TUSC3: variants seen among roughly 807,000 people sequenced by gnomAD.
The protein encoded by TUSC3 is tumor suppressor candidate 3, also known as dolichyl-diphosphooligosaccharide--protein glycosyltransferase subunit TUSC3.
A neutral mutation model predicts 44.8 loss-of-function variants in TUSC3; 45 were observed. The observed-to-expected ratio is 1.00, with a 90% CI of 0.79 to 1.29. TUSC3 has a LOEUF of 1.29. Ranked by LOEUF, TUSC3 falls within the 50% of genes most tolerant of loss-of-function variation. The pLI is 0.00. For missense variants in TUSC3, 519 were observed against 437.9 expected (o/e 1.19, Z -1.65); for synonymous variants, 212 against 152.9 (o/e 1.39, Z -2.85).
the TUSC3 span, among the ~76,000 whole-genome samples, chr8:15,810,071 T>A: frequency 6.6e-6 from 1 of 152,106 alleles, no homozygotes; most frequent in African/African-American, 2.4e-5. Context: ...ACGCTTTTGG[T>A]AGCAAGCCGT....
At chr8:15,587,083 A>G (rs1048755667) in intron 1 of TUSC3, among the ~76,000 whole-genome samples, 1 of 152,122 alleles carries the variant, frequency 6.6e-6, no homozygotes, top group African/African-American at 2.4e-5. Flanking sequence ...TCTTCTATTA[A>G]GGAAGCTCTG....
intron 1 of TUSC3, among the ~76,000 whole-genome samples, chr8:15,466,899 C>G (rs181577410): frequency 6.6e-6 from 1 of 152,134 alleles, no homozygotes; most frequent in Admixed American, 6.5e-5. Flanking sequence ...AATATTGTTT[C>G]TTTCGTCCTT....
chr8:15,846,890 A>C, the TUSC3 span, among the ~76,000 whole-genome samples: 27 of 143,822 alleles, frequency 1.9e-4, no homozygotes, highest in Admixed American at 1.5e-3. Flanking sequence ...AAAAAAAAAA[A>C]CACACACACA....
chr8:15,441,534 A>T (rs1182313364), intron 1 of TUSC3, among the ~76,000 whole-genome samples: 1 of 152,232 alleles, frequency 6.6e-6, no homozygotes, highest in Admixed American at 6.5e-5. Context: ...CTTGAATGGA[A>T]AGAAAATATG....
chr8:15,443,998 C>T (rs890949949), intron 1 of TUSC3, among the ~76,000 whole-genome samples: 2 of 152,182 alleles, frequency 1.3e-5, no homozygotes, highest in African/African-American at 2.4e-5. Flanking sequence ...AACTCTGACC[C>T]CTGAATGCTC....
chr8:15,811,163 G>A, the TUSC3 span, among the ~76,000 whole-genome samples: 1 of 152,208 alleles, frequency 6.6e-6, no homozygotes, highest in Non-Finnish European at 1.5e-5. Context: ...CATTCTTGGT[G>A]TTAATTCTAT....
chr8:15,449,102 T>C (rs4404919), intron 1 of TUSC3, among the ~76,000 whole-genome samples: 117,295 of 152,070 alleles, frequency 0.77, 47,332 homozygotes, highest in Non-Finnish European at 0.89. Flanking sequence ...TTGTAGCCTG[T>C]ATATGGTCAT....
At chr8:15,830,462 A>G in the TUSC3 span, among the ~76,000 whole-genome samples, 1 of 152,176 alleles carries the variant, frequency 6.6e-6, no homozygotes, top group African/African-American at 2.4e-5. Context: ...CTGCACTTGT[A>G]TATTTATTGC....
At chr8:15,433,786 G>C (rs1205750505) in intron 1 of TUSC3, among the ~76,000 whole-genome samples, 2 of 151,916 alleles carry the variant, frequency 1.3e-5, no homozygotes, top group South Asian at 2.1e-4. Flanking sequence ...CCTTTTTATT[G>C]GCTGAGTAGA....
intron 2 of TUSC3, among the ~76,000 whole-genome samples, chr8:15,631,892 A>T (rs2129168240): frequency 6.6e-6 from 1 of 152,104 alleles, no homozygotes; most frequent in East Asian, 1.9e-4. Flanking sequence ...TATTTTTAGT[A>T]GAGATGGGGT....
At chr8:15,698,011 G>A (rs934035021) in intron 6 of TUSC3, among the ~76,000 whole-genome samples, 2 of 152,072 alleles carry the variant, frequency 1.3e-5, no homozygotes, top group Non-Finnish European at 2.9e-5. Flanking sequence ...ACTGTGTGTT[G>A]AAATACAAAG....
intron 6 of TUSC3, among the ~76,000 whole-genome samples, chr8:15,712,485 T>G (rs906027510): frequency 5.9e-5 from 9 of 152,062 alleles, no homozygotes; most frequent in Non-Finnish European, 1.2e-4. Context: ...TATTCCTGCT[T>G]ATTTCGATCT....
the TUSC3 span, among the ~76,000 whole-genome samples, chr8:15,816,777 C>T: frequency 2.0e-5 from 3 of 152,286 alleles, no homozygotes; most frequent in Admixed American, 6.5e-5. Flanking sequence ...ACACCTAGCA[C>T]ATAATTCAAC....
At chr8:15,501,061 G>T (rs1384545067) in intron 2 of TUSC3, among the ~76,000 whole-genome samples, 1 of 151,232 alleles carries the variant, frequency 6.6e-6, no homozygotes, top group Non-Finnish European at 1.5e-5. Flanking sequence ...CCAAGTCTAA[G>T]ACAGACAGTT....
chr8:15,610,663 G>A (rs1804721797), intron 1 of TUSC3, among the ~76,000 whole-genome samples: 1 of 152,190 alleles, frequency 6.6e-6, no homozygotes, highest in East Asian at 1.9e-4. Context: ...ATAGAGCAAA[G>A]AGACTGGCAA....
intron 1 of TUSC3, among the ~76,000 whole-genome samples, chr8:15,561,865 G>A (rs902398100): frequency 1.3e-5 from 2 of 152,076 alleles, no homozygotes; most frequent in Non-Finnish European, 2.9e-5. Flanking sequence ...GTTTCGGCTG[G>A]CGCACGGTGT....
intron 6 of TUSC3, among the ~76,000 whole-genome samples, chr8:15,721,341 T>C (rs555238522): frequency 5.3e-5 from 8 of 152,086 alleles, no homozygotes; most frequent in Non-Finnish European, 8.8e-5. Flanking sequence ...TGCAGAATTA[T>C]GTAAATTTTA....
chr8:15,552,100 A>T (rs1802079626), intron 1 of TUSC3, among the ~76,000 whole-genome samples: 1 of 151,680 alleles, frequency 6.6e-6, no homozygotes, highest in Admixed American at 6.6e-5. Flanking sequence ...TTGGGTGTTG[A>T]TTTCTTAAGT....
chr8:15,715,845 CA>C (rs985977136), intron 6 of TUSC3, among the ~76,000 whole-genome samples: 3 of 151,870 alleles, frequency 2.0e-5, no homozygotes, highest in African/African-American at 7.3e-5. Flanking sequence ...TAAGGTTTTC[CA>C]AATAATATTT....
Sources: gnomAD v4.1 joint callset for allele counts (sites outside exome capture counted in the v4.1 genomes callset) on GRCh38, gnomAD v4.1.1 for gene constraint, MANE v1.5 for transcripts, NCBI Gene and HGNC (gene_info 2026-07-23, HGNC 2026-07-21) for gene names.